Variants in MVP observed in about 807,000 individuals in gnomAD.
MVP encodes lung resistance-related protein.
MVP carries 62 observed loss-of-function variants against 83.5 expected under a neutral mutation model. The ratio of observed to expected loss-of-function variants is 0.74; its 90% confidence interval spans 0.61 to 0.92. The LOEUF is 0.92. Among genes scored for constraint, MVP ranks in the 40% least tolerant of loss-of-function variants. The pLI is 0.00. For synonymous variants in MVP, 505 were observed against 504.1 expected (o/e 1.00, Z -0.02); for missense variants, 1,000 against 1,203.4 (o/e 0.83, Z 2.50).
rs1236320893 is a variant in MVP at position 29,834,152 on chromosome 16, C to A, written c.577+86C>A. ...GCAGGGGAAGGTTGAGGAAAGCCTC[C>A]TGTAGCCCCAGAGAGGCGCTTTCCT... On this transcript the variant is annotated intron_variant, in intron 5 of 14. Coordinates refer to ENST00000357402, the MANE Select transcript of MVP (RefSeq NM_005115.5). 3.9e-6 allele frequency: 6 copies of A among 1,537,714 alleles called. No homozygotes were observed. In the Admixed American group the frequency reaches 1.2e-4, roughly 30 times the overall value.
rs61338952 is a variant in MVP, at chr16:29,824,211, C to CAAAAAA, written c.-36+3726_-36+3731dup. The stretch of plus-strand genomic sequence containing the variant: ...GGGCAACAAGCACGAAACTCCATCT[C>CAAAAAA]AAAAAAAAAAAAAAAAAAAAAAAAA... On this transcript the variant is annotated intron_variant, in intron 1 of 14. Transcript: ENST00000357402. 1.2e-3 allele frequency among the ~76,000 whole-genome samples: 49 copies of CAAAAAA among 39,656 alleles called. 1 individual carries two copies. Among genetic ancestry groups the CAAAAAA allele is most frequent in the Non-Finnish European group, 2.0e-3 (36 of 18,396 alleles). The allele number at this position is 39,656 out of a possible 152,430, so 26.0% of individuals were successfully genotyped here. A position where few individuals can be genotyped will look rare whatever the true frequency, so the allele number is the denominator to read the frequency against.
In MVP at chr16:29,841,461, GC is replaced by G. The variant is rs2067533800; in HGVS notation, c.1192-133del. The G allele has an allele frequency of 8.2e-7, 1 of 1,213,762 alleles. No individual in the cohort carries two copies. The highest frequency in any genetic ancestry group is 1.5e-5 in the African/African-American group (1 of 65,458). 75.2% of individuals were successfully genotyped at this position (1,213,762 alleles called of 1,614,324 possible). ...CAGCAGATGGCAAACCCGGGGTGGA[GC>G]CTGGCCTCCCCGTAGAGAAGGTGTT... On this transcript the variant is annotated intron_variant, in intron 8 of 14. Coordinates refer to ENST00000357402, the MANE Select transcript of MVP (RefSeq NM_005115.5). This position sits in a 1 kb window ranked among gnomAD's most constrained non-coding sequence, Gnocchi z 4.7.
intron 1 of MVP, among the ~76,000 whole-genome samples, chr16:29,827,466 T>C (rs1311230674): frequency 6.6e-6 from 1 of 152,170 alleles, no homozygotes; most frequent in African/African-American, 2.4e-5. Context: ...GATGCCTCTC[T>C]AGAAAGACAG....
At chr16:29,833,468 CTT>C (rs34663728) in intron 3 of MVP, 5,844 of 128,118 alleles carry the variant, frequency 0.046, 78 homozygotes, top group African/African-American at 0.086. Context: ...CCTGGCTACA[CTT>C]TTTTTTTTTT....
Position 29,841,556 on chromosome 16 carries a change from C to T in MVP, c.1192-40C>T. ...CAGCTGGGCGGATCTTCCTCCCTTCCACCCTTACGGGCAGCTTCCCTCCCT... is the reference window on the plus strand; with the variant it reads ...CAGCTGGGCGGATCTTCCTCCCTTCTACCCTTACGGGCAGCTTCCCTCCCT... On this transcript the variant is annotated intron_variant, in intron 8 of 14. Transcript: ENST00000357402. The surrounding 1 kb of genome is among the most constrained non-coding windows in gnomAD (Gnocchi z 4.7). The T allele has an allele frequency of 1.3e-6, 2 of 1,535,866 alleles. No homozygotes were observed. The highest frequency in any genetic ancestry group is 1.3e-5 in the South Asian group (1 of 78,926).
chr16:29,830,169 C>T (rs1018272933), intron 1 of MVP: 18 of 185,488 alleles, frequency 9.7e-5, no homozygotes, highest in Admixed American at 4.3e-4. Context: ...ATCTCTCCAC[C>T]GTAAGAGACT....
intron 10 of MVP, among the ~76,000 whole-genome samples, chr16:29,843,623 A>G (rs2067556555): frequency 7.4e-6 from 1 of 134,254 alleles, no homozygotes. Flanking sequence ...GTGGTGGCTC[A>G]TGCCTGTAAT....
chr16:29,832,594 G>T (rs2067452433), intron 3 of MVP, among the ~76,000 whole-genome samples: 1 of 142,316 alleles, frequency 7.0e-6, no homozygotes, highest in South Asian at 2.2e-4. Context: ...ACCGCGCCTG[G>T]CCTTTTTTTT....
chr16:29,826,905 G>A (rs1303486819), intron 1 of MVP, among the ~76,000 whole-genome samples: 6 of 144,514 alleles, frequency 4.2e-5, no homozygotes, highest in East Asian at 4.0e-4. Context: ...CCAGCCTGGC[G>A]ACAGAGTGAG....
In MVP at chr16:29,846,017, G is replaced by C. The variant is rs778579227; in HGVS notation, c.2138+38G>C. On this transcript the variant is annotated intron_variant, in intron 12 of 14. Coordinates refer to ENST00000357402, the MANE Select transcript of MVP (RefSeq NM_005115.5). ...CTAGAGGAGGAGACTGGCAGGGGCC[G>C]AGGGTCTTAGGACAGCAGCTGGTGT... The C allele has an allele frequency of 4.3e-6, 7 of 1,613,142 alleles. No homozygotes were observed. The East Asian group carries it at 1.6e-4, about 36-fold the overall frequency.
intron 1 of MVP, among the ~76,000 whole-genome samples, chr16:29,827,008 G>A (rs1022495566): frequency 1.3e-5 from 2 of 151,762 alleles, no homozygotes; most frequent in East Asian, 1.9e-4. Flanking sequence ...ACAGAGCCCC[G>A]TATTGTGGAG....
intron 1 of MVP, among the ~76,000 whole-genome samples, chr16:29,827,617 AT>A (rs2067413302): frequency 6.6e-6 from 1 of 152,210 alleles, no homozygotes; most frequent in African/African-American, 2.4e-5. Context: ...ATATTTGGCA[AT>A]TTAAATTAAA....
rs749476958 is a variant in MVP at position 29,840,352 on chromosome 16, C to T, written c.1084C>T (p.Pro362Ser). The T allele has an allele frequency of 3.7e-6, 6 of 1,607,758 alleles. No individual in the cohort carries two copies. In the East Asian group the frequency reaches 6.7e-5, roughly 18 times the overall value. ...TGGGGACCACTGGCTCATCCGCGGA[C>T]CCCTGGAGTATGTGCCATCTGCCAA... Reference protein sequence around the residue: ...QAGDHWLIRGPLEYVPSAKVE... With the variant: ...QAGDHWLIRGSLEYVPSAKVE... The change falls in exon 8 of 15, where the codon CCC becomes TCC. Residue 362 changes from proline (P) to serine (S), a missense_variant. Transcript: ENST00000357402.
At position 29,840,206 on chromosome 16, in the gene MVP, G is replaced by A. The variant is rs1324993096; in HGVS notation, c.938G>A (p.Gly313Glu). ...KGEKSFFLQP[G>E]EQLEQGIQDV... is the part of the protein sequence containing the mutation. ...GAGAAGTCTTTTTTCCTCCAGCCAG[G>A]AGAGCAGCTGGAACAAGGCATCCAG... The change falls in exon 8 of 15, where the codon GGA becomes GAA. Residue 313 changes from glycine (G) to glutamate (E), a missense_variant. Gly to Glu is a moderately conservative substitution (Grantham distance 98, BLOSUM62 -2). Transcript: ENST00000357402. The A allele has an allele frequency of 5.0e-6, 8 of 1,612,424 alleles. No individual in the cohort carries two copies. Among genetic ancestry groups the A allele is most frequent in the Admixed American group, 1.7e-5 (1 of 59,874 alleles).
At position 29,831,030 on chromosome 16, in the gene MVP, C is replaced by T; in HGVS notation, c.278C>T (p.Ala93Val). Residue 93 changes from alanine (A) to valine (V), a missense_variant, in exon 3 of 15, where the codon GCC (alanine) becomes GTC (valine). Coordinates refer to ENST00000357402, the MANE Select transcript of MVP (RefSeq NM_005115.5). ...CACGCTGACCTCGAGATCCGGCTGG[C>T]CCAGGACCCCTTCCCCCTGTACCCA... is the stretch of plus-strand genomic sequence containing the variant. Reference protein sequence around the residue: ...LRHADLEIRLAQDPFPLYPGE... With the variant: ...LRHADLEIRLVQDPFPLYPGE... The T allele has an allele frequency of 6.2e-7, 1 of 1,613,642 alleles. No homozygotes were observed. Among genetic ancestry groups the T allele is most frequent in the Non-Finnish European group, 8.5e-7 (1 of 1,179,998 alleles).
At position 29,836,884 on chromosome 16, in the gene MVP, C is replaced by T. The variant is rs1183784496; in HGVS notation, c.835C>T (p.His279Tyr). The T allele has an allele frequency of 1.2e-6, 2 of 1,614,034 alleles. No homozygotes were observed. Among genetic ancestry groups the T allele is most frequent in the East Asian group, 4.5e-5 (2 of 44,880 alleles). ...GVVPITTLGP[H>Y]NYCVILDPVG... ...TGTGCCCATCACCACCCTGGGCCCC[C>T]ACAACTACTGCGTGATTCTCGACCC... The change falls in exon 7 of 15, where the codon CAC becomes TAC. Residue 279 changes from histidine to tyrosine, a missense_variant. By Grantham distance (83) the His-to-Tyr change is moderately conservative. Coordinates refer to ENST00000357402, the MANE Select transcript of MVP (RefSeq NM_005115.5).
intron 3 of MVP, among the ~76,000 whole-genome samples, chr16:29,831,450 G>A (rs1163246631): frequency 2.6e-5 from 4 of 151,634 alleles, no homozygotes; most frequent in South Asian, 4.2e-4. Context: ...CACTGTTCCC[G>A]GCCTGTACCG....
rs912826663 is a variant in MVP at position 29,847,276 on chromosome 16, G to A, written c.2345G>A (p.Ser782Asn). Residue 782 changes from serine (S) to asparagine (N), a missense_variant, in exon 14 of 15, where the codon AGC becomes AAC. Ser to Asn is a conservative substitution (Grantham distance 46). Transcript: ENST00000357402. ...CGGGCCCAGCTGGAGCTGGAGGTGA[G>A]CAAGGCTCAGCAGCTGGCTGAGGTG... ...YARAQLELEVSKAQQLAEVEV... is the reference protein window; with the variant it reads ...YARAQLELEVNKAQQLAEVEV... 1 of 1,613,614 alleles carries A rather than the reference G, an allele frequency of 6.2e-7. No homozygotes were observed. The highest frequency in any genetic ancestry group is 8.5e-7 in the Non-Finnish European group (1 of 1,179,976).
At position 29,842,094 on chromosome 16, in the gene MVP, T is replaced by C; in HGVS notation, c.1616T>C (p.Leu539Pro). ...ACGGCGGATCATGCCAGGCTGCAAC[T>C]GCAGCTGGCCTACAACTGGTAAAAA... is the stretch of plus-strand genomic sequence containing the variant. ...IETADHARLQLQLAYNWHFEV... is the reference protein window; with the variant it reads ...IETADHARLQPQLAYNWHFEV... Residue 539 changes from leucine to proline, a missense_variant, in exon 10 of 15, where the codon CTG becomes CCG. Transcript: ENST00000357402. The C allele has an allele frequency of 1.2e-6, 2 of 1,603,358 alleles. No homozygotes were observed. Among genetic ancestry groups the C allele is most frequent in the Non-Finnish European group, 1.7e-6 (2 of 1,178,984 alleles).
Sources: allele counts gnomAD v4.1 joint callset (sites outside exome capture counted in the v4.1 genomes callset), GRCh38; gene constraint gnomAD v4.1.1; non-coding constraint Gnocchi (gnomAD v3.1); transcripts MANE v1.5; gene names NCBI Gene and HGNC (gene_info 2026-07-23, HGNC 2026-07-21).